RER1: variants seen among roughly 807,000 people sequenced by gnomAD.
The protein encoded by RER1 is protein RER1.
RER1 carries 6 observed loss-of-function variants against 28.3 expected under a neutral mutation model. That is an observed-to-expected ratio of 0.21 (90% confidence interval 0.12 to 0.42). The LOEUF (loss-of-function observed/expected upper bound fraction) is 0.42, where lower values mean the gene tolerates loss of function less well. RER1 is among the 10% of genes least tolerant of loss of function. The probability of loss-of-function intolerance (pLI) is 1.00; values close to 1 mark genes in which losing one functional copy is unlikely to be tolerated. For missense variants in RER1, 159 were observed against 252.9 expected (o/e 0.63, Z 2.52); for synonymous variants, 110 against 95.9 (o/e 1.15, Z -0.86).
chr1:2,401,907 C>G, intron 5 of RER1: 3 of 941,876 alleles, frequency 3.2e-6, no homozygotes, highest in Non-Finnish European at 4.6e-6. Flanking sequence ...AGATCGCAGG[C>G]CCAGCCAGCA....
At chr1:2,401,881 G>A in intron 5 of RER1, 1 of 719,338 alleles carries the variant, frequency 1.4e-6, no homozygotes, top group Non-Finnish European at 2.2e-6. Flanking sequence ...ACAAGACACA[G>A]CCTGGGTTTC....
At chr1:2,396,998 C>T in intron 2 of RER1, 118 bp from the exon 3 acceptor site, 1 of 610,682 alleles carries the variant, frequency 1.6e-6, no homozygotes, top group African/African-American at 1.8e-5. Flanking sequence ...TATTTTAACT[C>T]ACTCTTTTAG....
rs369626233 is a variant in RER1 at position 2,402,361 on chromosome 1, C to T, written c.501+19C>T. ...AATCAAGGTAAAGCAGAGGCGCTGCCGCCACGCCGGCCGCAATCGCTGTTC... is the reference window on the plus strand; with the variant it reads ...AATCAAGGTAAAGCAGAGGCGCTGCTGCCACGCCGGCCGCAATCGCTGTTC... On this transcript the variant is annotated intron_variant, in intron 6 of 6. Transcript: ENST00000605895. 4.5e-5 allele frequency: 73 copies of T among 1,613,618 alleles called. No homozygotes were observed. Among genetic ancestry groups the T allele is most frequent in the South Asian group, 8.8e-5 (8 of 91,084 alleles).
intron 3 of RER1, among the ~76,000 whole-genome samples, chr1:2,398,675 C>T (rs753396437): frequency 2.0e-5 from 3 of 152,258 alleles, no homozygotes; most frequent in Non-Finnish European, 4.4e-5. Context: ...AGGCGTGAGC[C>T]ACCACACCCG....
chr1:2,393,185 C>T (rs1189950819), intron 1 of RER1: 3 of 151,996 alleles, frequency 2.0e-5, no homozygotes, highest in African/African-American at 7.3e-5. Flanking sequence ...TTTTATCTCC[C>T]TTTCTGTTTT....
At chr1:2,396,068 T>C (rs1366102904) in intron 2 of RER1, 197 bp downstream of exon 2, 4 of 594,614 alleles carry the variant, frequency 6.7e-6, no homozygotes, top group South Asian at 4.1e-5. Flanking sequence ...CCACACGTGG[T>C]CTATCAAACA....
chr1:2,399,393 A>C, intron 3 of RER1, 22 bp from the exon 4 acceptor site: 32 of 1,391,114 alleles, frequency 2.3e-5, no homozygotes, highest in Non-Finnish European at 3.0e-5. Flanking sequence ...TGCACCACTG[A>C]CTCTCTTTCC....
chr1:2,392,434 G>C (rs1429862940), intron 1 of RER1, among the ~76,000 whole-genome samples: 1 of 152,218 alleles, frequency 6.6e-6, no homozygotes, highest in African/African-American at 2.4e-5. Flanking sequence ...TTACTGACGG[G>C]CTGAAGGGAA....
rs1557905174 is a variant in RER1 at position 2,403,136 on chromosome 1, A to G, written c.*12A>G. The G allele has an allele frequency of 1.2e-6, 2 of 1,607,154 alleles. No homozygotes were observed. The highest frequency in any genetic ancestry group is 1.7e-6 in the Non-Finnish European group (2 of 1,173,708). ...CCTTCGCCAGCTAGAAGCGGGACTGAGGCTGCCTCACGTGTTGCAAGAACA... is the reference window on the plus strand; with the variant it reads ...CCTTCGCCAGCTAGAAGCGGGACTGGGGCTGCCTCACGTGTTGCAAGAACA... On this transcript the variant is annotated 3_prime_UTR_variant, in exon 7 of 7. Transcript: ENST00000605895.
chr1:2,392,208 G>A (rs1025874273), intron 1 of RER1, among the ~76,000 whole-genome samples: 3 of 151,994 alleles, frequency 2.0e-5, no homozygotes, highest in African/African-American at 4.8e-5. Context: ...AGGGTCGGGG[G>A]AGCGGGAGAG....
At position 2,405,350 on chromosome 1, in the gene RER1, C is replaced by T. The variant is rs760413807; in HGVS notation, c.*2226C>T. On this transcript the variant is annotated 3_prime_UTR_variant, in exon 7 of 7. Coordinates refer to ENST00000605895, the MANE Select transcript of RER1 (RefSeq NM_007033.5). ...AGCCTCCGTGCCCCACCCCACCCAG[C>T]ACGCACTCATTCAGTCCATTGCCTT... 8.9e-5 allele frequency: 31 copies of T among 350,070 alleles called. No individual in the cohort carries two copies. Among genetic ancestry groups the T allele is most frequent in the Non-Finnish European group, 1.6e-4 (28 of 179,480 alleles). 21.7% of individuals were successfully genotyped at this position (350,070 alleles called of 1,614,324 possible).
chr1:2,401,043 G>C (rs1362191552), intron 5 of RER1, 108 bp downstream of exon 5: 3 of 925,896 alleles, frequency 3.2e-6, no homozygotes, highest in Admixed American at 1.9e-5. Flanking sequence ...TGCTGTGCTG[G>C]GCTGGGCACG....
Position 2,397,119 on chromosome 1 carries a change from T to C in RER1, c.85T>C (p.Tyr29His). ...TTTTGGACTCTTGTCTTTCTAGATT[T>C]ATCAGTCCTGGCTAGACAAGTCCAC... ...YRFFTRLGQI[Y>H]QSWLDKSTPY... Residue 29 changes from tyrosine (Y) to histidine (H), a missense_variant, in exon 3 of 7, where the codon TAT becomes CAT. Coordinates refer to ENST00000605895, the MANE Select transcript of RER1 (RefSeq NM_007033.5). 6.2e-7 allele frequency: 1 copy of C among 1,605,352 alleles called. No homozygotes were observed. Among genetic ancestry groups the C allele is most frequent in the Non-Finnish European group, 8.5e-7 (1 of 1,172,244 alleles).
rs779473495 is a variant in RER1 at position 2,402,998 on chromosome 1, G to C, written c.502-37G>C. On this transcript the variant is annotated intron_variant, in intron 6 of 6. Transcript: ENST00000605895. ...GGGACAGTGTGACTGACTGGAGAGC[G>C]GTTGTGCAGTAACTGAGTCTGTGTT... The C allele has an allele frequency of 2.6e-6, 4 of 1,543,114 alleles. No homozygotes were observed. The African/African-American group carries it at 5.5e-5, about 21-fold the overall frequency.
At chr1:2,400,731 G>A (rs932931515) in intron 4 of RER1, 126 bp from the exon 5 acceptor site, 20 of 804,352 alleles carry the variant, frequency 2.5e-5, no homozygotes, top group Middle Eastern at 3.6e-4. Context: ...CGTTTTCTCT[G>A]GTTAAATGAC....
At chr1:2,393,844 G>A (rs1171464714) in intron 1 of RER1, among the ~76,000 whole-genome samples, 1 of 152,218 alleles carries the variant, frequency 6.6e-6, no homozygotes, top group Non-Finnish European at 1.5e-5. Context: ...TGTTGTGTGT[G>A]TCAGACAAGC....
intron 3 of RER1, among the ~76,000 whole-genome samples, 172 bp downstream of exon 3, chr1:2,397,392 G>A (rs183455425): frequency 2.0e-5 from 3 of 152,304 alleles, no homozygotes; most frequent in East Asian, 3.9e-4. Context: ...AACGAACAGG[G>A]TTGTTTATGA....
chr1:2,399,098 C>T (rs775661304), intron 3 of RER1, among the ~76,000 whole-genome samples: 1 of 152,202 alleles, frequency 6.6e-6, no homozygotes, highest in South Asian at 2.1e-4. Flanking sequence ...TTGAGAAAAG[C>T]CTCCTTTTCT....
intron 1 of RER1, 45 bp from the exon 2 acceptor site, chr1:2,395,739 C>T (rs1642759557): frequency 7.2e-7 from 1 of 1,381,386 alleles, no homozygotes; most frequent in Non-Finnish European, 1.0e-6. Flanking sequence ...GATTTCACAC[C>T]CGTGAATGCT....
Sources: allele counts gnomAD v4.1 joint callset (sites outside exome capture counted in the v4.1 genomes callset), GRCh38; gene constraint gnomAD v4.1.1; transcripts MANE v1.5; gene names NCBI Gene and HGNC (gene_info 2026-07-23, HGNC 2026-07-21).